Variants in CCDC68 observed in about 807,000 individuals in gnomAD.
CCDC68 encodes coiled-coil domain containing 68, also known as coiled-coil domain-containing protein 68.
Under a neutral mutation model 47.1 loss-of-function variants are expected in CCDC68, and 45 were observed. The observed-to-expected ratio is 0.96, with a 90% confidence interval of 0.75 to 1.23. The LOEUF is 1.23. Among genes scored for constraint, CCDC68 ranks in the 50% most tolerant of loss-of-function variants. The pLI, the probability that CCDC68 is intolerant of heterozygous loss-of-function variation, is 0.00. For missense variants in CCDC68, 353 were observed against 373.6 expected (o/e 0.94, Z 0.45); for synonymous variants, 131 against 129.5 (o/e 1.01, Z -0.08).
At chr18:54,916,167 A>G (rs988513564) in intron 10 of CCDC68, among the ~76,000 whole-genome samples, 3 of 152,098 alleles carry the variant, frequency 2.0e-5, no homozygotes, top group African/African-American at 7.2e-5. Context: ...TTTTGAGCCA[A>G]TTATTCCACA....
At chr18:54,948,889 T>C (rs2044569356) in intron 1 of CCDC68, among the ~76,000 whole-genome samples, 1 of 152,048 alleles carries the variant, frequency 6.6e-6, no homozygotes, top group African/African-American at 2.4e-5. Context: ...ATGAAGAAAA[T>C]CAGGTGCAAG....
intron 8 of CCDC68, among the ~76,000 whole-genome samples, chr18:54,925,788 C>T (rs1480959711): frequency 3.3e-5 from 5 of 151,994 alleles, no homozygotes; most frequent in Non-Finnish European, 7.4e-5. Flanking sequence ...GACTATGGGC[C>T]CCCAGTGGAA....
At chr18:54,921,856 T>A (rs2044066765) in intron 8 of CCDC68, among the ~76,000 whole-genome samples, 1 of 152,230 alleles carries the variant, frequency 6.6e-6, no homozygotes, top group African/African-American at 2.4e-5. Flanking sequence ...CAATATTTTA[T>A]CTGCTTTTTA....
In CCDC68 at chr18:54,902,513, A is replaced by G. The variant is rs1425700236; in HGVS notation, c.*1845T>C. ...AAATGTATCATGAAGAAATTCTTCA[A>G]TGTGACATAAAGTCATAAATAATAA... On this transcript the variant is annotated 3_prime_UTR_variant, in exon 12 of 12. Transcript: ENST00000591504. The G allele has an allele frequency of 3.5e-5, 5 of 142,334 alleles. No individual in the cohort carries two copies. The highest frequency in any genetic ancestry group is 6.3e-5 in the Non-Finnish European group (4 of 63,642). The allele number at this position is 142,334 out of a possible 1,614,324, so 8.8% of individuals were successfully genotyped here. A position where few individuals can be genotyped will look rare whatever the true frequency, so the allele number is the denominator to read the frequency against.
At chr18:54,928,932 G>C in intron 7 of CCDC68, 50 bp from the exon 8 acceptor site, 1 of 985,054 alleles carries the variant, frequency 1.0e-6, no homozygotes, top group Non-Finnish European at 1.6e-6. Flanking sequence ...TGTATGTTTG[G>C]TAAGGCCTTC....
intron 3 of CCDC68, 24 bp from the exon 4 acceptor site, chr18:54,941,107 T>G (rs369265575): frequency 1.5e-5 from 24 of 1,570,136 alleles, no homozygotes; most frequent in Non-Finnish European, 2.1e-5. Context: ...ACAAAACCAT[T>G]TGTTTCAAAG....
chr18:54,936,247 T>C (rs1171017579), intron 6 of CCDC68, among the ~76,000 whole-genome samples: 1 of 144,548 alleles, frequency 6.9e-6, no homozygotes, highest in Non-Finnish European at 1.5e-5. Flanking sequence ...AAATATATAG[T>C]TATATATATT....
intron 2 of CCDC68, among the ~76,000 whole-genome samples, chr18:54,943,105 G>T (rs1599085205): frequency 6.6e-6 from 1 of 152,026 alleles, no homozygotes; most frequent in African/African-American, 2.4e-5. Flanking sequence ...ACTGTAAAAA[G>T]GAATGAGGTT....
chr18:54,907,700 G>T lies in CCDC68; in HGVS notation c.950+86C>A, dbSNP rs924782897. On this transcript the variant is annotated intron_variant, in intron 11 of 11. Coordinates refer to ENST00000591504, the MANE Select transcript of CCDC68 (RefSeq NM_025214.3). ...ACAAATGATTACATAAGCAGTGACA[G>T]ACTGGAATCTTTCTTGAGTGGGTTG... 7.9e-6 allele frequency: 6 copies of T among 762,884 alleles called. No individual in the cohort carries two copies. The African/African-American group carries it at 8.7e-5, about 11-fold the overall frequency. The allele number at this position is 762,884 out of a possible 1,614,324, so 47.3% of individuals were successfully genotyped here. A position where few individuals can be genotyped will look rare whatever the true frequency, so the allele number is the denominator to read the frequency against.
In CCDC68 at chr18:54,920,724, G is replaced by A. The variant is rs550291790; in HGVS notation, c.684-1348C>T. Among the ~76,000 whole-genome samples, 3 of 152,306 alleles carry A rather than the reference G, an allele frequency of 2.0e-5. No individual in the cohort carries two copies. The East Asian group carries it at 5.8e-4, about 29-fold the overall frequency. ...TGTTGGCAAGGATGCAGAGAAAAGG[G>A]AATGCTTATACACTGTTGGTGGGAA... On this transcript the variant is annotated intron_variant, in intron 8 of 11. Transcript: ENST00000591504.
chr18:54,957,627 ACTCTCTCTCTCTCT>A (rs60851819), intron 1 of CCDC68, among the ~76,000 whole-genome samples: 15 of 143,754 alleles, frequency 1.0e-4, no homozygotes, highest in Non-Finnish European at 1.8e-4. Flanking sequence ...ACACACACAC[ACTCTCTCTCTCTCT>A]CTCTCTCTCT....
intron 10 of CCDC68, among the ~76,000 whole-genome samples, chr18:54,910,963 T>A (rs1914330558): frequency 1.3e-5 from 2 of 152,172 alleles, no homozygotes; most frequent in Non-Finnish European, 1.5e-5. Flanking sequence ...CTCCTGAGTC[T>A]GCAGCCACAG....
Position 54,932,486 on chromosome 18 carries a change from T to A in CCDC68, c.600+2334A>T, listed in dbSNP as rs1444676197. Among the ~76,000 whole-genome samples the A allele has an allele frequency of 1.8e-4, 28 of 152,120 alleles. 1 individual carries two copies. Among genetic ancestry groups the A allele is most frequent in the Admixed American group, 1.8e-3 (28 of 15,270 alleles). Reference sequence around the variant, plus strand: ...AATTACAGGCGTGAGCCACCACACCTGGCCTAAATCATTTTTTATTTTAAA... The same window carrying A: ...AATTACAGGCGTGAGCCACCACACCAGGCCTAAATCATTTTTTATTTTAAA... On this transcript the variant is annotated intron_variant, in intron 7 of 11. Transcript: ENST00000591504.
chr18:54,934,025 G>A lies in CCDC68; in HGVS notation c.600+795C>T, dbSNP rs901528395. Among the ~76,000 whole-genome samples the A allele has an allele frequency of 2.0e-5, 3 of 152,102 alleles. No individual in the cohort carries two copies. In the East Asian group the frequency reaches 5.8e-4, roughly 29 times the overall value. ...ACAAATTAAAGCTAAAAAGAATACA[G>A]GCAAATACAATAAATATAAAAAATG... On this transcript the variant is annotated intron_variant, in intron 7 of 11. Transcript: ENST00000591504.
intron 1 of CCDC68, among the ~76,000 whole-genome samples, chr18:54,957,627 A>ACTCTCTCTCTCTCT (rs60851819): frequency 7.0e-6 from 1 of 143,754 alleles, no homozygotes; most frequent in Non-Finnish European, 1.5e-5. Flanking sequence ...ACACACACAC[A>ACTCTCTCTCTCTCT]CTCTCTCTCT....
chr18:54,957,235 A>G (rs2044726943), intron 1 of CCDC68, among the ~76,000 whole-genome samples: 1 of 152,368 alleles, frequency 6.6e-6, no homozygotes, highest in South Asian at 2.1e-4. Flanking sequence ...AACCTAAACA[A>G]AAGAGAAAAC....
Position 54,921,219 on chromosome 18 carries a change from G to C in CCDC68, c.684-1843C>G, listed in dbSNP as rs143523657. 3.0e-3 allele frequency among the ~76,000 whole-genome samples: 449 copies of C among 152,092 alleles called. 5 individuals are homozygous for C. The highest frequency in any genetic ancestry group is 4.3e-3 in the Non-Finnish European group (291 of 68,008). On this transcript the variant is annotated intron_variant, in intron 8 of 11. Coordinates refer to ENST00000591504, the MANE Select transcript of CCDC68 (RefSeq NM_025214.3). ...GAGGGGGAAAGAATGGAGGGGAAAG[G>C]GTTAAAAAACTACCTGAGTGCTATG...
intron 10 of CCDC68, among the ~76,000 whole-genome samples, chr18:54,913,658 T>C (rs1333293791): frequency 1.3e-5 from 2 of 151,662 alleles, no homozygotes; most frequent in Non-Finnish European, 2.9e-5. Context: ...TTTTGTTTGT[T>C]ATAAATTAGC....
chr18:54,914,657 CT>C (rs1283862489), intron 10 of CCDC68, among the ~76,000 whole-genome samples: 1 of 152,018 alleles, frequency 6.6e-6, no homozygotes, highest in Non-Finnish European at 1.5e-5. Flanking sequence ...AAAACACTGG[CT>C]TGGGTTGAGC....
Sources: allele counts gnomAD v4.1 joint callset (sites outside exome capture counted in the v4.1 genomes callset), GRCh38; gene constraint gnomAD v4.1.1; transcripts MANE v1.5; gene names NCBI Gene and HGNC (gene_info 2026-07-23, HGNC 2026-07-21).